Variants in PHACTR1 observed in about 807,000 individuals in gnomAD.
PHACTR1 encodes the protein phosphatase and actin regulator 1, also known as RPEL repeat containing 1.
A neutral mutation model predicts 69.2 loss-of-function variants in PHACTR1; 16 were observed. The ratio of observed to expected loss-of-function variants is 0.23; its 90% confidence interval spans 0.16 to 0.35. The LOEUF is 0.35. PHACTR1 is among the 10% of genes least tolerant of loss of function. PHACTR1 has a pLI of 1.00. For missense variants in PHACTR1, 510 were observed against 734.7 expected (o/e 0.69, Z 3.54); for synonymous variants, 312 against 284.5 (o/e 1.10, Z -0.97).
In PHACTR1 at chr6:13,131,553, T is replaced by TA. The variant is rs1820470534; in HGVS notation, c.416-28650dup. ...TCTCAATAATTATCACTAAAGAACT[T>TA]ATCAATGTAACCAAAAGCCACCTGT... is the stretch of plus-strand genomic sequence containing the variant. On this transcript the variant is annotated intron_variant, in intron 5 of 14. Transcript: ENST00000332995. Among the ~76,000 whole-genome samples, 5 of 152,168 alleles carry TA rather than the reference T, an allele frequency of 3.3e-5. No homozygotes were observed. In the South Asian group the frequency reaches 1.0e-3, roughly 32 times the overall value.
chr6:13,175,949 C>T (rs1455523365), intron 6 of PHACTR1, among the ~76,000 whole-genome samples: 4 of 151,992 alleles, frequency 2.6e-5, no homozygotes, highest in Admixed American at 2.0e-4. Context: ...GGAGTCAACA[C>T]GGGTCCAGGG....
At chr6:12,768,164 G>C (rs1768894081) in intron 4 of PHACTR1, among the ~76,000 whole-genome samples, 1 of 146,012 alleles carries the variant, frequency 6.8e-6, no homozygotes, top group Non-Finnish European at 1.5e-5. Flanking sequence ...GCCCAGGCTG[G>C]AGTGCAGTGG....
At chr6:13,114,242 A>AT (rs1042969932) in intron 5 of PHACTR1, among the ~76,000 whole-genome samples, 14 of 149,740 alleles carry the variant, frequency 9.3e-5, no homozygotes, top group East Asian at 3.9e-4. Context: ...GAATACAGTT[A>AT]TTTTTTTTTT....
chr6:12,752,294 A>G (rs1766715366), intron 4 of PHACTR1, among the ~76,000 whole-genome samples: 1 of 152,220 alleles, frequency 6.6e-6, no homozygotes, highest in South Asian at 2.1e-4. Context: ...TAATTAAACT[A>G]TTAGTGTTGT....
chr6:13,109,266 A>C (rs1346255998), intron 5 of PHACTR1, among the ~76,000 whole-genome samples: 1 of 151,916 alleles, frequency 6.6e-6, no homozygotes, highest in Non-Finnish European at 1.5e-5. Context: ...TCTGAGTTTC[A>C]TCTGATATTG....
intron 5 of PHACTR1, among the ~76,000 whole-genome samples, chr6:13,115,156 G>C (rs966085087): frequency 1.3e-5 from 2 of 152,162 alleles, no homozygotes; most frequent in African/African-American, 4.8e-5. Flanking sequence ...TCCTAACGTA[G>C]GTTTGTTTCT....
At chr6:12,847,360 C>T (rs879722967) in intron 4 of PHACTR1, among the ~76,000 whole-genome samples, 4 of 152,146 alleles carry the variant, frequency 2.6e-5, no homozygotes, top group Non-Finnish European at 5.9e-5. Context: ...ATTCAGCAAT[C>T]TCATCTATGA....
chr6:13,041,436 C>T (rs986341140), intron 4 of PHACTR1, among the ~76,000 whole-genome samples: 55 of 151,344 alleles, frequency 3.6e-4, no homozygotes, highest in African/African-American at 1.3e-3. Context: ...CTCACTTCAG[C>T]AGTACTATTT....
At chr6:12,905,859 C>T (rs556232768) in intron 4 of PHACTR1, among the ~76,000 whole-genome samples, 1 of 152,278 alleles carries the variant, frequency 6.6e-6, no homozygotes, top group Non-Finnish European at 1.5e-5. Context: ...GGCAACATCT[C>T]ATTAATTAAA....
At chr6:13,170,828 A>G (rs892212959) in intron 6 of PHACTR1, among the ~76,000 whole-genome samples, 1 of 152,170 alleles carries the variant, frequency 6.6e-6, no homozygotes, top group Non-Finnish European at 1.5e-5. Flanking sequence ...CAGCAAGGCC[A>G]TGCTTTCATT....
intron 4 of PHACTR1, among the ~76,000 whole-genome samples, chr6:12,944,754 A>ATTATTTATTTATTTAT (rs1181743004): frequency 1.4e-5 from 2 of 147,754 alleles, no homozygotes; most frequent in African/African-American, 2.5e-5. Context: ...CACCTTTTGA[A>ATTATTTATTTATTTAT]TTATTTATTT....
At chr6:12,917,404 A>G (rs1787133211) in intron 4 of PHACTR1, among the ~76,000 whole-genome samples, 1 of 152,168 alleles carries the variant, frequency 6.6e-6, no homozygotes, top group African/African-American at 2.4e-5. Context: ...CCATCTCGGA[A>G]GCATTCATGT....
intron 4 of PHACTR1, among the ~76,000 whole-genome samples, chr6:13,030,941 T>C (rs1450374671): frequency 6.6e-6 from 1 of 152,204 alleles, no homozygotes; most frequent in Admixed American, 6.5e-5. Context: ...GTCTGGTGCA[T>C]TGCAGGATGT....
At chr6:12,953,725 T>A (rs1489932252) in intron 4 of PHACTR1, among the ~76,000 whole-genome samples, 1 of 152,216 alleles carries the variant, frequency 6.6e-6, no homozygotes, top group Admixed American at 6.5e-5. Flanking sequence ...TGATACCTAG[T>A]AAGTGCTGAT....
chr6:12,965,451 C>CATTTTTTTTTTTTTTTTTT (rs60864787), intron 4 of PHACTR1, among the ~76,000 whole-genome samples: 1 of 131,968 alleles, frequency 7.6e-6, no homozygotes. Context: ...TATTTTGTGC[C>CATTTTTTTTTTTTTTTTTT]TTTTTTTTTT....
intron 8 of PHACTR1, among the ~76,000 whole-genome samples, chr6:13,219,793 A>G (rs1053921503): frequency 1.3e-5 from 2 of 152,196 alleles, no homozygotes; most frequent in Admixed American, 6.5e-5. Flanking sequence ...TAAAAATATT[A>G]TAGTCCACGG....
intron 4 of PHACTR1, among the ~76,000 whole-genome samples, chr6:13,000,582 G>A (rs950198808): frequency 7.4e-6 from 1 of 134,450 alleles, no homozygotes; most frequent in African/African-American, 3.1e-5. Context: ...GAGTGGGAGG[G>A]GGAGAAAGAG....
chr6:12,984,548 G>A (rs1187058444), intron 4 of PHACTR1, among the ~76,000 whole-genome samples: 1 of 152,172 alleles, frequency 6.6e-6, no homozygotes, highest in Non-Finnish European at 1.5e-5. Flanking sequence ...TCTAACCTTA[G>A]GAACTTATAT....
intron 5 of PHACTR1, among the ~76,000 whole-genome samples, chr6:13,055,570 T>C (rs190111196): frequency 6.6e-6 from 1 of 152,248 alleles, no homozygotes; most frequent in African/African-American, 2.4e-5. Context: ...CTTCCTGACT[T>C]TGCTAAGCAA....
Sources: allele counts gnomAD v4.1 joint callset (sites outside exome capture counted in the v4.1 genomes callset), GRCh38; gene constraint gnomAD v4.1.1; transcripts MANE v1.5; gene names NCBI Gene and HGNC (gene_info 2026-07-23, HGNC 2026-07-21).